Variants in SLC25A38 observed in about 807,000 individuals in gnomAD.
SLC25A38 encodes mitochondrial glycine transporter.
Under a neutral mutation model 33.4 loss-of-function variants are expected in SLC25A38, and 27 were observed. The observed-to-expected ratio is 0.81, with a 90% CI of 0.60 to 1.11. SLC25A38 has a LOEUF of 1.11. Among genes scored for constraint, SLC25A38 ranks in the 50% most tolerant of loss-of-function variants. The pLI, the probability that SLC25A38 is intolerant of heterozygous loss-of-function variation, is 0.00. For synonymous variants in SLC25A38, 123 were observed against 145.9 expected, an observed-to-expected ratio of 0.84 and a Z score of 1.13; for missense variants, 344 against 388.8, an observed-to-expected ratio of 0.88 and a Z score of 0.97.
At position 39,396,676 on chromosome 3, in the gene SLC25A38, A is replaced by G; in HGVS notation, c.*156A>G. ...CCTTCAGTAATCCCCTTAAGGAGAA[A>G]ATATATGGACCTGATTTCAGCCTTC... On this transcript the variant is annotated 3_prime_UTR_variant, in exon 7 of 7. Transcript: ENST00000650617. 2 of 1,158,702 alleles carry G rather than the reference A, an allele frequency of 1.7e-6. No individual in the cohort carries two copies. Among genetic ancestry groups the G allele is most frequent in the Middle Eastern group, 2.8e-4 (1 of 3,600 alleles). The allele number at this position is 1,158,702 out of a possible 1,614,324, so 71.8% of individuals were successfully genotyped here. A position where few individuals can be genotyped will look rare whatever the true frequency, so the allele number is the denominator to read the frequency against.
At chr3:39,385,080 G>C (rs1048529126) in intron 1 of SLC25A38, among the ~76,000 whole-genome samples, 2 of 152,158 alleles carry the variant, frequency 1.3e-5, no homozygotes, top group African/African-American at 4.8e-5. Context: ...AGGATTACAA[G>C]TGTGAGCCAC....
chr3:39,396,586 T>G lies in SLC25A38; in HGVS notation c.*66T>G, dbSNP rs2041833465. On this transcript the variant is annotated 3_prime_UTR_variant, in exon 7 of 7. Transcript: ENST00000650617. Reference sequence around the variant, plus strand: ...TTGGTTTCTGCCAAGGGCTGCTGCTTCTTACTATTCTGCAGTAAGATGAAG... The same window carrying G: ...TTGGTTTCTGCCAAGGGCTGCTGCTGCTTACTATTCTGCAGTAAGATGAAG... 6.8e-6 allele frequency: 11 copies of G among 1,611,914 alleles called. No individual in the cohort carries two copies. Among genetic ancestry groups the G allele is most frequent in the East Asian group, 6.7e-5 (3 of 44,870 alleles).
At chr3:39,396,335 A>C in intron 6 of SLC25A38, 63 bp from the exon 7 acceptor site, 1 of 1,612,714 alleles carries the variant, frequency 6.2e-7, no homozygotes, top group African/African-American at 1.3e-5. Flanking sequence ...CTGTGGTACC[A>C]AGTGGATAAT....
chr3:39,386,799 G>A (rs1427060065), intron 1 of SLC25A38, among the ~76,000 whole-genome samples: 1 of 152,166 alleles, frequency 6.6e-6, no homozygotes, highest in East Asian at 1.9e-4. Context: ...TTCTGGCTGG[G>A]GTGCTAGAGA....
At position 39,391,441 on chromosome 3, in the gene SLC25A38, T is replaced by C. The variant is rs201757407; in HGVS notation, c.277T>C (p.Ser93Pro). The C allele has an allele frequency of 6.2e-7, 1 of 1,613,404 alleles. No homozygotes were observed. Among genetic ancestry groups the C allele is most frequent in the East Asian group, 2.2e-5 (1 of 44,890 alleles). Residue 93 changes from serine to proline, a missense_variant and splice_region_variant, in exon 4 of 7, where the codon TCC becomes CCC. Around this residue, in one of 2 missense-constraint regions of SLC25A38, gnomAD observed 269 missense variants for 271.8 expected, o/e 0.99. Coordinates refer to ENST00000650617, the MANE Select transcript of SLC25A38 (RefSeq NM_017875.4). ...LLGLWKGMSP[S>P]IVRCVPGVGI... ...CTTTTCTCCCTGACCTTCTCTGCAGTCCATTGTGAGATGTGTCCCTGGCGT... is the reference window on the plus strand; with the variant it reads ...CTTTTCTCCCTGACCTTCTCTGCAGCCCATTGTGAGATGTGTCCCTGGCGT...
In SLC25A38 at chr3:39,391,947, C is replaced by T. The variant is rs746014343; in HGVS notation, c.551C>T (p.Thr184Ile). ...GGCCTCTTCAGTGGCCTGACAGCAACTCTCCTTCGAGATGCGCCCTTCTCA... is the reference window on the plus strand; with the variant it reads ...GGCCTCTTCAGTGGCCTGACAGCAATTCTCCTTCGAGATGCGCCCTTCTCA... Reference protein sequence around the residue: ...HRGLFSGLTATLLRDAPFSGI... With the variant: ...HRGLFSGLTAILLRDAPFSGI... The change falls in exon 5 of 7, where the codon ACT (threonine) becomes ATT (isoleucine). Residue 184 changes from threonine (T) to isoleucine (I), a missense_variant. By Grantham distance (89) the Thr-to-Ile change is moderately conservative. Around this residue, in one of 2 missense-constraint regions of SLC25A38, gnomAD observed 269 missense variants for 271.8 expected, o/e 0.99. Coordinates refer to ENST00000650617, the MANE Select transcript of SLC25A38 (RefSeq NM_017875.4). 3.7e-6 allele frequency: 6 copies of T among 1,614,212 alleles called. No individual in the cohort carries two copies. The East Asian group carries it at 1.3e-4, about 36-fold the overall frequency.
chr3:39,396,401 T>A lies in SLC25A38; in HGVS notation c.796T>A (p.Tyr266Asn), dbSNP rs770917804. ...GQAVTLIFKD[Y>N]GLRGFFQGGI... Reference sequence around the variant, plus strand: ...CTGACATTTATTTTCACCATAGGACTATGGACTACGTGGCTTCTTCCAAGG... The same window carrying A: ...CTGACATTTATTTTCACCATAGGACAATGGACTACGTGGCTTCTTCCAAGG... The change falls in exon 7 of 7, where the codon TAT becomes AAT. Residue 266 changes from tyrosine (Y) to asparagine (N), a missense_variant. Physicochemically the swap from Tyr to Asn is moderately radical, Grantham distance 143 (BLOSUM62 -2). Coordinates refer to ENST00000650617, the MANE Select transcript of SLC25A38 (RefSeq NM_017875.4). The A allele has an allele frequency of 6.8e-6, 11 of 1,614,026 alleles. No individual in the cohort carries two copies. Among genetic ancestry groups the A allele is most frequent in the Admixed American group, 1.7e-5 (1 of 59,996 alleles).
chr3:39,388,294 A>T (rs768770162), intron 1 of SLC25A38: 6 of 152,224 alleles, frequency 3.9e-5, no homozygotes, highest in Non-Finnish European at 8.8e-5. Flanking sequence ...TTGGTACTTC[A>T]GAAGTTATTG....
intron 1 of SLC25A38, among the ~76,000 whole-genome samples, chr3:39,387,226 C>T (rs780824502): frequency 3.3e-5 from 5 of 152,142 alleles, no homozygotes; most frequent in Non-Finnish European, 5.9e-5. Context: ...GGCTTCAACC[C>T]CTGTGACATA....
rs752955819 is a variant in SLC25A38 at position 39,396,463 on chromosome 3, A to G, written c.858A>G (p.Ala286=). 44 of 1,613,984 alleles carry G rather than the reference A, an allele frequency of 2.7e-5. No homozygotes were observed. Among genetic ancestry groups the G allele is most frequent in the Non-Finnish European group, 3.4e-5 (40 of 1,180,040 alleles). ...IPRALRRTLM[A]AMAWTVYEEM... ...GAGCCCTCCGCAGAACTCTAATGGC[A>G]GCAATGGCGTGGACGGTGTATGAAG... is the stretch of plus-strand genomic sequence containing the variant. The change falls in exon 7 of 7, where the codon GCA becomes GCG. Residue 286 remains alanine, a synonymous_variant. Transcript: ENST00000650617.
chr3:39,396,363 T>C lies in SLC25A38; in HGVS notation c.793-35T>C, dbSNP rs778519478. 7.4e-6 allele frequency: 12 copies of C among 1,613,996 alleles called. No individual in the cohort carries two copies. The African/African-American group carries it at 1.5e-4, about 20-fold the overall frequency. On this transcript the variant is annotated intron_variant, in intron 6 of 6. Transcript: ENST00000650617. Reference sequence around the variant, plus strand: ...TGGATAATTAATTGTATTGCTACTTTGCTTCCAGAGTTCTGACATTTATTT... The same window carrying C: ...TGGATAATTAATTGTATTGCTACTTCGCTTCCAGAGTTCTGACATTTATTT...
chr3:39,386,301 C>T (rs905468456), intron 1 of SLC25A38, among the ~76,000 whole-genome samples: 16 of 152,108 alleles, frequency 1.1e-4, no homozygotes, highest in African/African-American at 2.7e-4. Context: ...ATGACTCAGG[C>T]GGGGCATGGT....
rs370492216 is a variant in SLC25A38 at position 39,394,599 on chromosome 3, G to A, written c.792+23G>A. On this transcript the variant is annotated intron_variant, in intron 6 of 6. Transcript: ENST00000650617. ...AAAGTAAGACTACAAAATAAGTACT[G>A]GTTCTTGTGGTGTTTAAGGATCTCT... The A allele has an allele frequency of 2.5e-6, 4 of 1,613,716 alleles. No individual in the cohort carries two copies. The African/African-American group carries it at 4.0e-5, about 16-fold the overall frequency.
chr3:39,384,916 C>T (rs1484762919), intron 1 of SLC25A38, among the ~76,000 whole-genome samples: 7 of 151,092 alleles, frequency 4.6e-5, no homozygotes, highest in African/African-American at 1.7e-4. Context: ...TTTTTCCTGT[C>T]TCAGTCTCCC....
intron 3 of SLC25A38, 115 bp downstream of exon 3, chr3:39,390,622 C>G (rs2041753995): frequency 1.9e-6 from 2 of 1,037,856 alleles, no homozygotes; most frequent in Admixed American, 3.7e-5. Flanking sequence ...GTGGGAGTAC[C>G]TATGTGGTCT....
chr3:39,383,855 C>CG, intron 1 of SLC25A38, 62 bp downstream of exon 1: 1 of 1,583,860 alleles, frequency 6.3e-7, no homozygotes, highest in Non-Finnish European at 8.7e-7. Flanking sequence ...CCGGAGAATT[C>CG]GGGGCGTTGC....
Position 39,391,721 on chromosome 3 carries a change from G to A in SLC25A38, c.456+101G>A, listed in dbSNP as rs2041771098. ...AACTCCTGATTTGTAATCTAACATA[G>A]AGTCTGATGTGGTCAGACAAGCCAT... On this transcript the variant is annotated intron_variant, in intron 4 of 6. Transcript: ENST00000650617. 4.4e-6 allele frequency: 7 copies of A among 1,597,212 alleles called. No individual in the cohort carries two copies. In the Admixed American group the frequency reaches 1.2e-4, roughly 27 times the overall value.
At chr3:39,392,270 G>C (rs2041780199) in intron 5 of SLC25A38, among the ~76,000 whole-genome samples, 1 of 148,618 alleles carries the variant, frequency 6.7e-6, no homozygotes, top group African/African-American at 2.5e-5. Flanking sequence ...GATAGGGTGG[G>C]TGGGAGGGAA....
rs886058472 is a variant in SLC25A38, at chr3:39,396,890, C to T, written c.*370C>T. 17 of 344,066 alleles carry T rather than the reference C, an allele frequency of 4.9e-5. No homozygotes were observed. Among genetic ancestry groups the T allele is most frequent in the South Asian group, 1.9e-4 (8 of 41,288 alleles). 21.3% of individuals were successfully genotyped at this position (344,066 alleles called of 1,614,324 possible). On this transcript the variant is annotated 3_prime_UTR_variant, in exon 7 of 7. Transcript: ENST00000650617. ...TGTTCTTGGGCAAGCAATCACAAAG[C>T]CAGAGAAGCTGTAAGCTGCCTGCCG...
Sources: allele counts gnomAD v4.1 joint callset (sites outside exome capture counted in the v4.1 genomes callset), GRCh38; gene constraint gnomAD v4.1.1; regional missense constraint gnomAD v4.1.1; transcripts MANE v1.5; gene names NCBI Gene and HGNC (gene_info 2026-07-23, HGNC 2026-07-21).